The following ZUP1 variants were observed in gnomAD, a reference collection of about 807,000 sequenced individuals.
ZUP1 encodes the protein zinc finger containing ubiquitin peptidase 1.
In ZUP1, 55 loss-of-function variants were observed where a neutral mutation model predicts 68.1. That is an observed-to-expected ratio of 0.81 (90% confidence interval 0.65 to 1.01). The LOEUF (loss-of-function observed/expected upper bound fraction) is 1.01. Ranked by LOEUF, ZUP1 falls within the 50% of genes least tolerant of loss-of-function variation. ZUP1 has a pLI of 0.00. For synonymous variants in ZUP1, 223 were observed against 221.5 expected, an observed-to-expected ratio of 1.01 and a Z score of -0.06; for missense variants, 684 against 674.9, an observed-to-expected ratio of 1.01 and a Z score of -0.15.
At position 116,658,873 on chromosome 6, in the gene ZUP1, T is replaced by C. The variant is rs1254870278; in HGVS notation, c.722A>G (p.Gln241Arg). The C allele has an allele frequency of 1.9e-6, 3 of 1,612,170 alleles. No individual in the cohort carries two copies. The highest frequency in any genetic ancestry group is 4.5e-5 in the East Asian group (2 of 44,816). Residue 241 changes from glutamine to arginine, a missense_variant, in exon 4 of 10, where the codon CAG (glutamine) becomes CGG (arginine). Physicochemically the swap from Gln to Arg is conservative, Grantham distance 43. Coordinates refer to ENST00000368576, the MANE Select transcript of ZUP1 (RefSeq NM_145062.3). ...SGDLQLAHQL[Q>R]QEEDRKRRSE... ...TCTCCTCTTTCTGTCTTCTTCTTGC[T>C]GAAGCTGGTGAGCCAATTGTAGATC...
Position 116,658,921 on chromosome 6 carries a change from A to G in ZUP1, c.674T>C (p.Met225Thr), listed in dbSNP as rs1487465528. 3 of 1,605,490 alleles carry G rather than the reference A, an allele frequency of 1.9e-6. No homozygotes were observed. The South Asian group carries it at 3.4e-5, about 18-fold the overall frequency. ...HLEENSFQQGMDRVQCSGDLQ... is the reference protein window; with the variant it reads ...HLEENSFQQGTDRVQCSGDLQ... ...ATCACCAGAACACTGGACTCTATCC[A>G]TGCCTGTTAGGTATTGTTAATGTTC... The change falls in exon 4 of 10, where the codon ATG becomes ACG. Residue 225 changes from methionine to threonine, a missense_variant. Physicochemically the swap from Met to Thr is moderately conservative, Grantham distance 81. Coordinates refer to ENST00000368576, the MANE Select transcript of ZUP1 (RefSeq NM_145062.3).
chr6:116,658,391 T>C (rs1008925962), intron 4 of ZUP1, among the ~76,000 whole-genome samples: 4 of 152,232 alleles, frequency 2.6e-5, no homozygotes, highest in African/African-American at 9.6e-5. Context: ...ATTCTAAGTA[T>C]AAATTTCGCT....
intron 7 of ZUP1, among the ~76,000 whole-genome samples, chr6:116,648,234 AT>A (rs374345387): frequency 6.6e-6 from 1 of 152,160 alleles, no homozygotes; most frequent in African/African-American, 2.4e-5. Flanking sequence ...TTGAATAAAC[AT>A]TTTTTTAACC....
rs1319834381 is a variant in ZUP1, at chr6:116,666,723, G to A, written c.470C>T (p.Pro157Leu). The A allele has an allele frequency of 6.2e-7, 1 of 1,613,550 alleles. No individual in the cohort carries two copies. Residue 157 changes from proline (P) to leucine (L), a missense_variant, in exon 2 of 10, where the codon CCA becomes CTA. Physicochemically the swap from Pro to Leu is moderately conservative, Grantham distance 98. Transcript: ENST00000368576. The part of the protein sequence containing the change: ...YETTYSPPEC[P>L]FCGKIEEHSE... Reference sequence around the variant, plus strand: ...GTGCTCCTCTATTTTTCCACAGAATGGACATTCAGGAGGACTGTATGTTGT... The same window carrying A: ...GTGCTCCTCTATTTTTCCACAGAATAGACATTCAGGAGGACTGTATGTTGT...
At chr6:116,649,150 T>C (rs1032141516) in intron 7 of ZUP1, among the ~76,000 whole-genome samples, 2 of 152,126 alleles carry the variant, frequency 1.3e-5, no homozygotes, top group African/African-American at 2.4e-5. Context: ...TTATTATACA[T>C]ACACACAACA....
In ZUP1 at chr6:116,656,634, C is replaced by T. The variant is rs755576815; in HGVS notation, c.961+50G>A. 8.0e-6 allele frequency: 11 copies of T among 1,377,906 alleles called. No individual in the cohort carries two copies. The African/African-American group carries it at 1.5e-4, about 19-fold the overall frequency. 85.4% of individuals were successfully genotyped at this position (1,377,906 alleles called of 1,614,324 possible). On this transcript the variant is annotated intron_variant, in intron 5 of 9. Transcript: ENST00000368576. Reference sequence around the variant, plus strand: ...ATTAAAATGATTCTGATTATTACTTCAGTGGTATAAGCAATATTAAAACAA... The same window carrying T: ...ATTAAAATGATTCTGATTATTACTTTAGTGGTATAAGCAATATTAAAACAA...
In ZUP1 at chr6:116,666,836, A is replaced by C; in HGVS notation, c.357T>G (p.Tyr119Ter). The C allele has an allele frequency of 6.2e-7, 1 of 1,611,604 alleles. No homozygotes were observed. The highest frequency in any genetic ancestry group is 8.5e-7 in the Non-Finnish European group (1 of 1,179,382). Residue 119 changes from tyrosine (Y) to a stop codon, truncating the protein, a stop_gained, in exon 2 of 10, where the codon TAT (tyrosine) becomes TAG (stop). Transcript: ENST00000368576. LOFTEE classifies it high-confidence loss of function. ...KDSTLKHEGFYSENLTESRKF... is the reference protein window; with the variant it reads ...KDSTLKHEGF ...TTCTAGATTCAGTTAAGTTCTCTGA[A>C]TAGAAGCCTTCATGTTTTAAAGTAC...
chr6:116,655,466 G>A (rs1287372661), intron 5 of ZUP1, among the ~76,000 whole-genome samples: 1 of 152,060 alleles, frequency 6.6e-6, no homozygotes, highest in Non-Finnish European at 1.5e-5. Flanking sequence ...GGGCAAATTA[G>A]AATTAGAAAA....
chr6:116,639,655 CAGAA>C (rs1776024028), intron 9 of ZUP1, among the ~76,000 whole-genome samples: 1 of 152,164 alleles, frequency 6.6e-6, no homozygotes, highest in Non-Finnish European at 1.5e-5. Context: ...AACTAACAAA[CAGAA>C]AGGACATCCA....
intron 7 of ZUP1, among the ~76,000 whole-genome samples, chr6:116,648,543 A>T (rs1776383863): frequency 6.6e-6 from 1 of 152,234 alleles, no homozygotes; most frequent in Non-Finnish European, 1.5e-5. Context: ...CTAATTAAAC[A>T]GTACCCTACA....
intron 3 of ZUP1, chr6:116,660,329 T>C (rs1240363605): frequency 1.3e-5 from 2 of 153,818 alleles, no homozygotes; most frequent in African/African-American, 4.8e-5. Context: ...ATAGGATTTT[T>C]CCACTTCTAA....
At chr6:116,646,935 G>C (rs777026329) in intron 8 of ZUP1, among the ~76,000 whole-genome samples, 26 of 151,994 alleles carry the variant, frequency 1.7e-4, no homozygotes, top group Non-Finnish European at 3.4e-4. Flanking sequence ...GTGACATGTG[G>C]GTAAAGACCC....
At chr6:116,654,071 C>T (rs73555464) in intron 5 of ZUP1, among the ~76,000 whole-genome samples, 7,130 of 151,948 alleles carry the variant, frequency 0.047, 208 homozygotes, top group African/African-American at 0.087. Context: ...AAATAAAAAT[C>T]TCTGCCACTA....
At chr6:116,657,024 C>A (rs13202949) in intron 4 of ZUP1, among the ~76,000 whole-genome samples, 172 bp from the exon 5 acceptor site, 9,103 of 87,158 alleles carry the variant, frequency 0.1, 800 homozygotes, top group African/African-American at 0.3. Context: ...CACACACACA[C>A]AAAAAAAAAT....
At chr6:116,651,278 T>C (rs1776481250) in intron 7 of ZUP1, among the ~76,000 whole-genome samples, 1 of 152,122 alleles carries the variant, frequency 6.6e-6, no homozygotes, top group Admixed American at 6.6e-5. Flanking sequence ...ATCAGAAGGA[T>C]TGAAGGTAAA....
At chr6:116,656,883 T>A in intron 4 of ZUP1, 31 bp from the exon 5 acceptor site, 5 of 1,441,390 alleles carry the variant, frequency 3.5e-6, no homozygotes, top group Non-Finnish European at 2.8e-6. Context: ...TGACTTAATT[T>A]TTACATCCCT....
At chr6:116,641,450 C>T (rs1203373223) in intron 9 of ZUP1, among the ~76,000 whole-genome samples, 1 of 151,934 alleles carries the variant, frequency 6.6e-6, no homozygotes, top group African/African-American at 2.4e-5. Context: ...TAAAGCTCTC[C>T]TCAGCAAATG....
chr6:116,645,309 G>A (rs890323265), intron 9 of ZUP1, among the ~76,000 whole-genome samples: 13 of 152,056 alleles, frequency 8.5e-5, no homozygotes, highest in African/African-American at 1.2e-4. Flanking sequence ...GGCTAGGCAC[G>A]GTGGCTCACG....
At chr6:116,658,245 T>G (rs1776726742) in intron 4 of ZUP1, among the ~76,000 whole-genome samples, 1 of 152,216 alleles carries the variant, frequency 6.6e-6, no homozygotes, top group Admixed American at 6.5e-5. Flanking sequence ...GCTACCAGTT[T>G]AGTCCAACAG....
Sources: gnomAD v4.1 joint callset for allele counts (sites outside exome capture counted in the v4.1 genomes callset) on GRCh38, gnomAD v4.1.1 for gene constraint, MANE v1.5 for transcripts, NCBI Gene and HGNC (gene_info 2026-07-23, HGNC 2026-07-21) for gene names.